The following CNTN5 variants were observed in gnomAD, a reference collection of about 807,000 sequenced individuals.
CNTN5 encodes contactin 5, also known as contactin-5.
CNTN5 carries 77 observed loss-of-function variants against 129.1 expected under a neutral mutation model. The ratio of observed to expected loss-of-function variants is 0.60; its 90% CI spans 0.50 to 0.72. The LOEUF (loss-of-function observed/expected upper bound fraction) is 0.72. Among genes scored for constraint, CNTN5 ranks in the 30% least tolerant of loss-of-function variants. The pLI is 0.00. For synonymous variants in CNTN5, 509 were observed against 465.6 expected, an observed-to-expected ratio of 1.09 and a Z score of -1.20; for missense variants, 1,478 against 1,328.8, an observed-to-expected ratio of 1.11 and a Z score of -1.75.
intron 1 of CNTN5, among the ~76,000 whole-genome samples, chr11:99,130,448 C>G (rs975043911): frequency 3.9e-5 from 6 of 152,088 alleles, no homozygotes; most frequent in African/African-American, 1.4e-4. Flanking sequence ...AATACAGGAG[C>G]ACTCAGATTC....
At chr11:99,741,571 C>T (rs971713550) in intron 3 of CNTN5, among the ~76,000 whole-genome samples, 39 of 152,228 alleles carry the variant, frequency 2.6e-4, no homozygotes, top group African/African-American at 6.3e-4. Context: ...TGTTCTTAAA[C>T]TTGTATCAAG....
intron 1 of CNTN5, among the ~76,000 whole-genome samples, chr11:99,269,376 TAAAC>T (rs1180316838): frequency 1.3e-5 from 2 of 151,816 alleles, no homozygotes; most frequent in African/African-American, 2.4e-5. Flanking sequence ...GTGGGGGAGA[TAAAC>T]AAACTAATAA....
intron 3 of CNTN5, among the ~76,000 whole-genome samples, chr11:99,646,005 G>C (rs1412661853): frequency 2.6e-5 from 4 of 152,144 alleles, no homozygotes; most frequent in Non-Finnish European, 5.9e-5. Context: ...ACACAATAAG[G>C]GTTAAGCAAT....
At chr11:100,052,312 C>T (rs1943002252) in intron 9 of CNTN5, among the ~76,000 whole-genome samples, 2 of 151,668 alleles carry the variant, frequency 1.3e-5, no homozygotes, top group Admixed American at 6.6e-5. Context: ...CCTTTTATCA[C>T]CACCTCTGTT....
chr11:99,807,179 C>G (rs1011321400), intron 3 of CNTN5, among the ~76,000 whole-genome samples: 4 of 152,062 alleles, frequency 2.6e-5, no homozygotes, highest in Admixed American at 2.0e-4. Context: ...TCTTAGCCAT[C>G]ATCTAATAAA....
At chr11:100,297,518 A>T in intron 18 of CNTN5, 107 bp from the exon 19 acceptor site, 1 of 801,380 alleles carries the variant, frequency 1.2e-6, no homozygotes, top group Non-Finnish European at 2.1e-6. Context: ...TTTAATCTTT[A>T]ATATGACCAT....
At chr11:99,251,112 T>C (rs974499347) in intron 1 of CNTN5, among the ~76,000 whole-genome samples, 1 of 152,090 alleles carries the variant, frequency 6.6e-6, no homozygotes, top group African/African-American at 2.4e-5. Flanking sequence ...GAGTTATAGA[T>C]TGCCATTCAC....
At chr11:100,065,366 A>T (rs1943658075) in intron 10 of CNTN5, among the ~76,000 whole-genome samples, 1 of 152,100 alleles carries the variant, frequency 6.6e-6, no homozygotes, top group Non-Finnish European at 1.5e-5. Flanking sequence ...TGTTATAAAG[A>T]TGAATGCTTA....
At chr11:99,945,375 T>G (rs761065045) in intron 7 of CNTN5, among the ~76,000 whole-genome samples, 11 of 152,040 alleles carry the variant, frequency 7.2e-5, no homozygotes, top group Non-Finnish European at 1.5e-4. Flanking sequence ...AATGCCTCTT[T>G]TATGTATATA....
chr11:99,575,231 C>T (rs954329788), intron 3 of CNTN5, among the ~76,000 whole-genome samples: 1 of 151,972 alleles, frequency 6.6e-6, no homozygotes, highest in Admixed American at 6.6e-5. Flanking sequence ...AAAATAGAAT[C>T]CCCCTTAAAT....
In CNTN5 at chr11:99,175,767, A is replaced by G. The variant is rs1857740765; in HGVS notation, c.-209-149579A>G. On this transcript the variant is annotated intron_variant, in intron 1 of 24. Coordinates refer to ENST00000524871, the MANE Select transcript of CNTN5 (RefSeq NM_014361.4). ...GATGTAATTTTGGCATGATTATTTA[A>G]GGGCTCTTTCTCAACAATTTTAAAT... Among the ~76,000 whole-genome samples the G allele has an allele frequency of 2.0e-5, 3 of 152,144 alleles. No homozygotes were observed. In the South Asian group the frequency reaches 6.2e-4, roughly 31 times the overall value.
chr11:99,289,271 A>AT (rs1244444015), intron 1 of CNTN5, among the ~76,000 whole-genome samples: 4 of 151,620 alleles, frequency 2.6e-5, no homozygotes, highest in South Asian at 2.1e-4. Context: ...TTGTATCTTT[A>AT]TTTTTTATTG....
intron 2 of CNTN5, among the ~76,000 whole-genome samples, chr11:99,447,623 T>C (rs1001623539): frequency 2.0e-5 from 3 of 152,186 alleles, no homozygotes; most frequent in Admixed American, 2.0e-4. Flanking sequence ...ATGTGTAAAG[T>C]ATTTATAAAA....
chr11:99,659,155 A>C (rs1291974128), intron 3 of CNTN5, among the ~76,000 whole-genome samples: 1 of 152,134 alleles, frequency 6.6e-6, no homozygotes, highest in Non-Finnish European at 1.5e-5. Flanking sequence ...AAAAGTTGTA[A>C]ATACCAAGCT....
At chr11:99,760,231 A>C (rs1260411556) in intron 3 of CNTN5, among the ~76,000 whole-genome samples, 1 of 152,150 alleles carries the variant, frequency 6.6e-6, no homozygotes, top group East Asian at 1.9e-4. Flanking sequence ...TAAAAATAGA[A>C]AGTGTATTTG....
At position 99,570,032 on chromosome 11, in the gene CNTN5, TAGTCA is replaced by T. The variant is rs546503477; in HGVS notation, c.55+13765_55+13769del. 1.5e-4 allele frequency among the ~76,000 whole-genome samples: 23 copies of T among 151,958 alleles called. 1 individual carries two copies. The South Asian group carries it at 4.6e-3, about 30-fold the overall frequency. ...AAACAAAGAAGGTAAGATATTTGAATAGTCAATGTCTTCATCAGGCTGCTCAGCCT... is the reference window on the plus strand; with the variant it reads ...AAACAAAGAAGGTAAGATATTTGAATATGTCTTCATCAGGCTGCTCAGCCT... On this transcript the variant is annotated intron_variant, in intron 3 of 24. Transcript: ENST00000524871.
intron 2 of CNTN5, among the ~76,000 whole-genome samples, chr11:99,399,741 G>T (rs1941701526): frequency 6.6e-6 from 1 of 151,540 alleles, no homozygotes; most frequent in South Asian, 2.1e-4. Flanking sequence ...TTACACTTTG[G>T]TTTTTTTAGT....
At chr11:99,948,785 G>T (rs987439486) in intron 7 of CNTN5, among the ~76,000 whole-genome samples, 2 of 152,084 alleles carry the variant, frequency 1.3e-5, no homozygotes, top group African/African-American at 4.8e-5. Context: ...GATTGTATTG[G>T]TGCTCCATCC....
At chr11:99,658,915 AAATAT>A (rs1293116459) in intron 3 of CNTN5, among the ~76,000 whole-genome samples, 1 of 150,684 alleles carries the variant, frequency 6.6e-6, no homozygotes, top group African/African-American at 2.4e-5. Context: ...AGAAAAAGAA[AAATAT>A]AATGAGTGCC....
Sources: gnomAD v4.1 joint callset for allele counts (sites outside exome capture counted in the v4.1 genomes callset) on GRCh38, gnomAD v4.1.1 for gene constraint, MANE v1.5 for transcripts, NCBI Gene and HGNC (gene_info 2026-07-23, HGNC 2026-07-21) for gene names.